The following NFE2L3 variants were observed in gnomAD, a reference collection of about 807,000 sequenced individuals.
The protein encoded by NFE2L3 is NFE2 like bZIP transcription factor 3.
A neutral mutation model predicts 23.5 loss-of-function variants in NFE2L3; 18 were observed. The ratio of observed to expected loss-of-function variants is 0.77; its 90% CI spans 0.53 to 1.13. The LOEUF is 1.13. Ranked by LOEUF, NFE2L3 falls within the 50% of genes most tolerant of loss-of-function variation. The pLI is 0.00. For synonymous variants in NFE2L3, 424 were observed against 354.5 expected, an observed-to-expected ratio of 1.20 and a Z score of -2.20; for missense variants, 1,152 against 877.2, an observed-to-expected ratio of 1.31 and a Z score of -3.96.
At chr7:26,168,103 C>T (rs57693267) in intron 1 of NFE2L3, among the ~76,000 whole-genome samples, 6,262 of 149,302 alleles carry the variant, frequency 0.042, 185 homozygotes, top group Middle Eastern at 0.13. Context: ...TGCCTCCCCC[C>T]AAGTCCTTGA....
intron 1 of NFE2L3, among the ~76,000 whole-genome samples, chr7:26,176,005 T>G (rs527949886): frequency 6.6e-6 from 1 of 151,758 alleles, no homozygotes; most frequent in Non-Finnish European, 1.5e-5. Flanking sequence ...GAGGTCCCTG[T>G]GGCCTTCCGC....
In NFE2L3 at chr7:26,183,833, C is replaced by A. The variant is rs1276215630; in HGVS notation, c.834+49C>A. ...CCTCGCAGGAACATATCTGCACTGA[C>A]CTTTTGGTGAACAAATACAACTCCT... On this transcript the variant is annotated intron_variant, in intron 3 of 3. Coordinates refer to ENST00000056233, the MANE Select transcript of NFE2L3 (RefSeq NM_004289.7). The A allele has an allele frequency of 3.4e-6, 4 of 1,193,868 alleles. No individual in the cohort carries two copies. In the Admixed American group the frequency reaches 5.1e-5, roughly 15 times the overall value. 74.0% of individuals were successfully genotyped at this position (1,193,868 alleles called of 1,614,324 possible).
Position 26,152,871 on chromosome 7 carries a change from C to T in NFE2L3, c.373C>T (p.His125Tyr). ...SVAAGSADEA[H>Y]GLLGAAAASS... ...GGCTGCCGGGAGCGCGGACGAGGCC[C>T]ACGGGCTGCTCGGCGCCGCCGCCGC... The change falls in exon 1 of 4, where the codon CAC becomes TAC. Residue 125 changes from histidine to tyrosine, a missense_variant. By Grantham distance (83) the His-to-Tyr change is moderately conservative. Coordinates refer to ENST00000056233, the MANE Select transcript of NFE2L3 (RefSeq NM_004289.7). The surrounding 1 kb of genome is among the most constrained non-coding windows in gnomAD (Gnocchi z 4.4). 1 of 1,467,126 alleles carries T rather than the reference C, an allele frequency of 6.8e-7. No individual in the cohort carries two copies. Among genetic ancestry groups the T allele is most frequent in the Non-Finnish European group, 8.9e-7 (1 of 1,118,044 alleles). 90.9% of individuals were successfully genotyped at this position (1,467,126 alleles called of 1,614,324 possible).
In NFE2L3 at chr7:26,186,163, A is replaced by G. The variant is rs1285122612; in HGVS notation, c.*380A>G. The stretch of plus-strand genomic sequence containing the variant: ...TATTTTAAGAGGTATTTCAGTTTTA[A>G]ATGCAAAATAGCCTTATTTTCATTT... On this transcript the variant is annotated 3_prime_UTR_variant, in exon 4 of 4. Coordinates refer to ENST00000056233, the MANE Select transcript of NFE2L3 (RefSeq NM_004289.7). The G allele has an allele frequency of 1.2e-5, 2 of 164,236 alleles. No individual in the cohort carries two copies. Among genetic ancestry groups the G allele is most frequent in the African/African-American group, 4.8e-5 (2 of 41,920 alleles). The allele number at this position is 164,236 out of a possible 1,614,324, so 10.2% of individuals were successfully genotyped here. A position where few individuals can be genotyped will look rare whatever the true frequency, so the allele number is the denominator to read the frequency against.
At chr7:26,179,477 G>GCAACA (rs1317166009) in intron 2 of NFE2L3, among the ~76,000 whole-genome samples, 2 of 150,650 alleles carry the variant, frequency 1.3e-5, no homozygotes, top group East Asian at 3.9e-4. Context: ...TCCAACCTGG[G>GCAACA]CAACAGAGTG....
Position 26,185,563 on chromosome 7 carries a change from G to C in NFE2L3, c.1865G>C (p.Arg622Thr). The C allele has an allele frequency of 6.2e-7, 1 of 1,613,762 alleles. No homozygotes were observed. The highest frequency in any genetic ancestry group is 2.2e-5 in the East Asian group (1 of 44,886). ...NLQAKKETLK[R>T]EQAQCNKAIN... is the part of the protein sequence containing the mutation. ...CAAGCAAAGAAGGAAACTCTTAAGA[G>C]AGAGCAAGCACAATGTAACAAAGCT... Residue 622 changes from arginine to threonine, a missense_variant, in exon 4 of 4, where the codon AGA becomes ACA. Physicochemically the swap from Arg to Thr is moderately conservative, Grantham distance 71. Transcript: ENST00000056233.
chr7:26,185,624 T>G lies in NFE2L3; in HGVS notation c.1926T>G (p.Tyr642Ter). The G allele has an allele frequency of 6.2e-7, 1 of 1,613,888 alleles. No individual in the cohort carries two copies. The highest frequency in any genetic ancestry group is 8.5e-7 in the Non-Finnish European group (1 of 1,179,838). ...NIMKQKLHDL[Y>*]HDIFSRLRDD... Reference sequence around the variant, plus strand: ...TGAAACAGAAACTGCATGACCTTTATCATGATATTTTTAGTAGATTAAGAG... The same window carrying G: ...TGAAACAGAAACTGCATGACCTTTAGCATGATATTTTTAGTAGATTAAGAG... Residue 642 changes from tyrosine to a stop codon, truncating the protein, a stop_gained, in exon 4 of 4, where the codon TAT becomes TAG. Coordinates refer to ENST00000056233, the MANE Select transcript of NFE2L3 (RefSeq NM_004289.7). LOFTEE classifies it high-confidence loss of function.
intron 2 of NFE2L3, among the ~76,000 whole-genome samples, chr7:26,181,175 C>G (rs963750774): frequency 6.6e-6 from 1 of 152,100 alleles, no homozygotes; most frequent in East Asian, 1.9e-4. Context: ...TGGGGTTTCA[C>G]CATGTTGCTC....
At chr7:26,181,874 T>C (rs1784519317) in intron 2 of NFE2L3, among the ~76,000 whole-genome samples, 1 of 152,006 alleles carries the variant, frequency 6.6e-6, no homozygotes, top group Admixed American at 6.5e-5. Flanking sequence ...TGTGAACAGC[T>C]AAGGAAAAGG....
chr7:26,184,780 T>C lies in NFE2L3; in HGVS notation c.1082T>C (p.Leu361Ser), dbSNP rs1404656493. ...NPEQTLPGTNLTGFLSPVDNH... is the reference protein window; with the variant it reads ...NPEQTLPGTNSTGFLSPVDNH... ...GAGCAAACCCTTCCTGGAACTAATT[T>C]GACAGGATTTCTTTCACCGGTTGAC... The change falls in exon 4 of 4, where the codon TTG becomes TCG. Residue 361 changes from leucine to serine, a missense_variant. Leu to Ser is a moderately radical substitution (Grantham distance 145). Transcript: ENST00000056233. 1 of 1,613,942 alleles carries C rather than the reference T, an allele frequency of 6.2e-7. No homozygotes were observed. The highest frequency in any genetic ancestry group is 1.1e-5 in the South Asian group (1 of 91,074).
chr7:26,174,271 G>A (rs1784364795), intron 1 of NFE2L3: 1 of 152,290 alleles, frequency 6.6e-6, no homozygotes, highest in African/African-American at 2.4e-5. Flanking sequence ...TTTGCTGATG[G>A]GTGAAGAGAA....
chr7:26,152,769 C>T lies in NFE2L3; in HGVS notation c.271C>T (p.Leu91=). The change falls in exon 1 of 4, where the codon CTG becomes TTG. Residue 91 remains leucine, a synonymous_variant. Transcript: ENST00000056233. The surrounding 1 kb of genome is among the most constrained non-coding windows in gnomAD (Gnocchi z 4.4). ...LDPAAPPEGQ[L]LREVRALGVP... Reference sequence around the variant, plus strand: ...CCCTGCCGCGCCGCCCGAGGGCCAGCTGCTCCGGGAGGTGCGCGCGCTCGG... The same window carrying T: ...CCCTGCCGCGCCGCCCGAGGGCCAGTTGCTCCGGGAGGTGCGCGCGCTCGG... The T allele has an allele frequency of 4.7e-6, 7 of 1,480,386 alleles. No homozygotes were observed. Among genetic ancestry groups the T allele is most frequent in the Non-Finnish European group, 6.2e-6 (7 of 1,123,066 alleles). The allele number at this position is 1,480,386 out of a possible 1,614,324, so 91.7% of individuals were successfully genotyped here.
chr7:26,180,594 T>G (rs1201686762), intron 2 of NFE2L3, among the ~76,000 whole-genome samples: 1 of 152,196 alleles, frequency 6.6e-6, no homozygotes, highest in Non-Finnish European at 1.5e-5. Flanking sequence ...GGAAAAGATG[T>G]TTTCACTAGT....
chr7:26,184,769 T>C lies in NFE2L3; in HGVS notation c.1071T>C (p.Pro357=), dbSNP rs763138858. ...SHTTNPEQTL[P]GTNLTGFLSP... ...CCACCAATCCTGAGCAAACCCTTCC[T>C]GGAACTAATTTGACAGGATTTCTTT... Residue 357 remains proline (P), a synonymous_variant, in exon 4 of 4, where the codon CCT becomes CCC. Coordinates refer to ENST00000056233, the MANE Select transcript of NFE2L3 (RefSeq NM_004289.7). 11 of 1,613,818 alleles carry C rather than the reference T, an allele frequency of 6.8e-6. No homozygotes were observed. The highest frequency in any genetic ancestry group is 3.3e-4 in the Middle Eastern group (2 of 6,076).
chr7:26,154,149 G>A (rs1784046941), intron 1 of NFE2L3, among the ~76,000 whole-genome samples: 2 of 152,180 alleles, frequency 1.3e-5, no homozygotes, highest in Non-Finnish European at 2.9e-5. Context: ...GTGATTCACT[G>A]TTATGCTGAT....
In NFE2L3 at chr7:26,184,817, G is replaced by C. The variant is rs763200630; in HGVS notation, c.1119G>C (p.Arg373Ser). 2 of 1,613,884 alleles carry C rather than the reference G, an allele frequency of 1.2e-6. No homozygotes were observed. Among genetic ancestry groups the C allele is most frequent in the East Asian group, 2.2e-5 (1 of 44,874 alleles). Reference protein sequence around the residue: ...GFLSPVDNHMRNLTSQDLLYD... With the variant: ...GFLSPVDNHMSNLTSQDLLYD... ...TTTCACCGGTTGACAATCATATGAG[G>C]AATCTAACAAGCCAAGACCTACTGT... is the stretch of plus-strand genomic sequence containing the variant. Residue 373 changes from arginine (R) to serine (S), a missense_variant, in exon 4 of 4, where the codon AGG (arginine) becomes AGC (serine). Coordinates refer to ENST00000056233, the MANE Select transcript of NFE2L3 (RefSeq NM_004289.7).
Position 26,185,554 on chromosome 7 carries a change from CTCTT to C in NFE2L3, c.1857_1860del (p.Leu620ArgfsTer13), listed in dbSNP as rs1418482627. ...TGTAACTTGCAAGCAAAGAAGGAAA[CTCTT>C]AAGAGAGAGCAAGCACAATGTAACA... On this transcript the variant is annotated frameshift_variant, in exon 4 of 4. Transcript: ENST00000056233. LOFTEE classifies it low-confidence loss of function (END_TRUNC). 5 of 1,613,694 alleles carry C rather than the reference CTCTT, an allele frequency of 3.1e-6. No homozygotes were observed. The highest frequency in any genetic ancestry group is 2.7e-5 in the African/African-American group (2 of 74,908).
Position 26,152,881 on chromosome 7 carries a change from T to TCGG in NFE2L3, c.386_388dup (p.Gly129dup). On this transcript the variant is annotated inframe_insertion, in exon 1 of 4. Transcript: ENST00000056233. This position sits in a 1 kb window ranked among gnomAD's most constrained non-coding sequence, Gnocchi z 4.4. ...AGCGCGGACGAGGCCCACGGGCTGCTCGGCGCCGCCGCCGCCTCGTCCACC... is the reference window on the plus strand; with the variant it reads ...AGCGCGGACGAGGCCCACGGGCTGCTCGGCGGCGCCGCCGCCGCCTCGTCCACC... The TCGG allele has an allele frequency of 3.4e-6, 5 of 1,458,406 alleles. No homozygotes were observed. Among genetic ancestry groups the TCGG allele is most frequent in the Non-Finnish European group, 4.5e-6 (5 of 1,114,638 alleles). The allele number at this position is 1,458,406 out of a possible 1,614,324, so 90.3% of individuals were successfully genotyped here. A position where few individuals can be genotyped will look rare whatever the true frequency, so the allele number is the denominator to read the frequency against.
At chr7:26,164,268 C>T (rs1295301830) in intron 1 of NFE2L3, among the ~76,000 whole-genome samples, 4 of 152,210 alleles carry the variant, frequency 2.6e-5, no homozygotes, top group African/African-American at 4.8e-5. Flanking sequence ...TTTACAGTCC[C>T]ATCAACAGTG....
Sources: allele counts gnomAD v4.1 joint callset (sites outside exome capture counted in the v4.1 genomes callset), GRCh38; gene constraint gnomAD v4.1.1; non-coding constraint Gnocchi (gnomAD v3.1); transcripts MANE v1.5; gene names NCBI Gene and HGNC (gene_info 2026-07-23, HGNC 2026-07-21).